Variants in GSE1 observed in about 807,000 individuals in gnomAD.
GSE1 encodes the protein genetic suppressor element 1.
GSE1 carries 32 observed loss-of-function variants against 112.6 expected under a neutral mutation model. The ratio of observed to expected loss-of-function variants is 0.28; its 90% CI spans 0.21 to 0.38. The LOEUF (loss-of-function observed/expected upper bound fraction) is 0.38, where lower values mean the gene tolerates loss of function less well. Among genes scored for constraint, GSE1 ranks in the 10% least tolerant of loss-of-function variants. The probability of loss-of-function intolerance (pLI) is 1.00; values close to 1 mark genes in which losing one functional copy is unlikely to be tolerated. For missense variants in GSE1, 2,348 were observed against 1,699.2 expected (o/e 1.38, Z -6.71); for synonymous variants, 1,115 against 735.6 (o/e 1.52, Z -8.35).
intron 1 of GSE1, chr16:85,595,591 T>C (rs1435992568): frequency 2.6e-5 from 4 of 152,194 alleles, no homozygotes; most frequent in African/African-American, 9.7e-5. Flanking sequence ...GTTGGGACTT[T>C]GTAATGCCAG....
At chr16:85,552,027 CT>C (rs1319349527), upstream of GSE1, among the ~76,000 whole-genome samples, 137 of 147,312 alleles carry the variant, frequency 9.3e-4, 1 homozygote, top group South Asian at 1.7e-3. Flanking sequence ...TTCTTTCTTT[CT>C]TTTTTTTTTT....
intron 1 of GSE1, among the ~76,000 whole-genome samples, chr16:85,622,686 G>A (rs2048816239): frequency 6.6e-6 from 1 of 152,226 alleles, no homozygotes; most frequent in Non-Finnish European, 1.5e-5. Flanking sequence ...TGAGGGGCAA[G>A]TCCTGACTTG....
chr16:85,458,616 G>C (rs1478316390), intron 2 of GSE1, among the ~76,000 whole-genome samples: 1 of 152,212 alleles, frequency 6.6e-6, no homozygotes, highest in Admixed American at 6.5e-5. Flanking sequence ...CCACATTGCG[G>C]GTGGCTATCA....
At chr16:85,317,850 A>C (rs1412389566) in intron 1 of GSE1, among the ~76,000 whole-genome samples, 1 of 152,226 alleles carries the variant, frequency 6.6e-6, no homozygotes, top group Non-Finnish European at 1.5e-5. Flanking sequence ...GGGAGAGCCC[A>C]GACTAAGAGG....
intron 1 of GSE1, among the ~76,000 whole-genome samples, chr16:85,589,793 G>C (rs1351053005): frequency 2.0e-5 from 3 of 152,096 alleles, no homozygotes; most frequent in Non-Finnish European, 4.4e-5. Context: ...GTGTGAATAT[G>C]TGTGAGACGT....
intron 8 of GSE1, among the ~76,000 whole-genome samples, chr16:85,658,302 G>C (rs13338513): frequency 0.023 from 3,552 of 152,304 alleles, 90 homozygotes; most frequent in Admixed American, 0.065. Context: ...GCCAGAGTTG[G>C]TGGGAATGAC....
intron 1 of GSE1, among the ~76,000 whole-genome samples, chr16:85,349,688 G>C (rs768649772): frequency 6.6e-6 from 1 of 152,126 alleles, no homozygotes; most frequent in Non-Finnish European, 1.5e-5. Context: ...ATTTTTCCTC[G>C]GGGCGAAGAG....
chr16:85,629,795 C>A (rs140142850), intron 1 of GSE1, among the ~76,000 whole-genome samples: 1 of 152,320 alleles, frequency 6.6e-6, no homozygotes, highest in East Asian at 1.9e-4. Flanking sequence ...GATAGTTTCA[C>A]TTCTTGGCTT....
At chr16:85,512,696 A>G (rs1229282200) in intron 2 of GSE1, among the ~76,000 whole-genome samples, 1 of 152,136 alleles carries the variant, frequency 6.6e-6, no homozygotes, top group Non-Finnish European at 1.5e-5. Flanking sequence ...CACCACACGC[A>G]TTAGAGTCCA....
chr16:85,479,534 C>G (rs912813260), intron 2 of GSE1, among the ~76,000 whole-genome samples: 1 of 152,124 alleles, frequency 6.6e-6, no homozygotes, highest in African/African-American at 2.4e-5. Flanking sequence ...AAGCTCCTGA[C>G]TTCAGGTGAT....
intron 1 of GSE1, among the ~76,000 whole-genome samples, chr16:85,277,029 A>G (rs566160571): frequency 1.1e-4 from 17 of 152,176 alleles, no homozygotes; most frequent in African/African-American, 4.1e-4. Flanking sequence ...GGATGAGAGG[A>G]TCGGATGGCA....
In GSE1 at chr16:85,623,563, C is replaced by T. The variant is rs549573524; in HGVS notation, c.7+10165C>T. On this transcript the variant is annotated intron_variant, in intron 1 of 15. Transcript: ENST00000253458. Reference sequence around the variant, plus strand: ...TTTTGCTCTGCCCCCATAGTGTGTTCCCTCGAGGCCCCACAGCTCTCAGCC... The same window carrying T: ...TTTTGCTCTGCCCCCATAGTGTGTTTCCTCGAGGCCCCACAGCTCTCAGCC... Among the ~76,000 whole-genome samples the T allele has an allele frequency of 2.6e-5, 4 of 152,290 alleles. No homozygotes were observed. In the East Asian group the frequency reaches 5.8e-4, roughly 22 times the overall value.
At position 85,176,892 on chromosome 16, in the gene GSE1, G is replaced by T. The variant is rs1041541605; in HGVS notation, c.2283+5085G>T. Reference sequence around the variant, plus strand: ...CCCACGCAGTTCCCTGCTCCTCAGGGGGCCTGGCTGCCCCTCCTCCCCAGG... The same window carrying T: ...CCCACGCAGTTCCCTGCTCCTCAGGTGGCCTGGCTGCCCCTCCTCCCCAGG... On this transcript the variant is annotated intron_variant, in intron 1 of 2. Transcript: ENST00000637419. Among the ~76,000 whole-genome samples the T allele has an allele frequency of 2.6e-5, 4 of 152,366 alleles. No homozygotes were observed. The East Asian group carries it at 7.7e-4, about 29-fold the overall frequency.
At chr16:85,502,968 G>T (rs1225945786) in intron 2 of GSE1, among the ~76,000 whole-genome samples, 1 of 152,222 alleles carries the variant, frequency 6.6e-6, no homozygotes, top group Non-Finnish European at 1.5e-5. Context: ...GACAGACAAG[G>T]TCCAGGGCTG....
chr16:85,232,779 G>C (rs547574045), intron 1 of GSE1, among the ~76,000 whole-genome samples: 1 of 152,250 alleles, frequency 6.6e-6, no homozygotes. Context: ...CGGAGGCCTC[G>C]CTGACCACCC....
intron 1 of GSE1, among the ~76,000 whole-genome samples, chr16:85,296,876 G>T (rs1443951946): frequency 6.6e-6 from 1 of 150,596 alleles, no homozygotes; most frequent in East Asian, 2.0e-4. Flanking sequence ...GAGTCTTGCA[G>T]TCTGTGAGGG....
At chr16:85,303,023 A>G (rs902332731) in intron 1 of GSE1, among the ~76,000 whole-genome samples, 4 of 152,146 alleles carry the variant, frequency 2.6e-5, no homozygotes, top group African/African-American at 9.6e-5. Flanking sequence ...CTCGACCTAC[A>G]TTGCGCTGAC....
At chr16:85,238,811 A>G (rs1379824625) in intron 1 of GSE1, among the ~76,000 whole-genome samples, 1 of 152,090 alleles carries the variant, frequency 6.6e-6, no homozygotes, top group Non-Finnish European at 1.5e-5. Context: ...CCCCTAACTT[A>G]TTCATCCACA....
chr16:85,554,130 A>C (rs1183108159), upstream of GSE1, among the ~76,000 whole-genome samples: 6 of 151,824 alleles, frequency 4.0e-5, no homozygotes, highest in Non-Finnish European at 5.9e-5. Flanking sequence ...TTGTCACATC[A>C]AGAGGCAGCT....
Sources: allele counts gnomAD v4.1 joint callset (sites outside exome capture counted in the v4.1 genomes callset), GRCh38; gene constraint gnomAD v4.1.1; transcripts MANE v1.5; gene names NCBI Gene and HGNC (gene_info 2026-07-23, HGNC 2026-07-21).